The following PALS1 variants were observed in gnomAD, a reference collection of about 807,000 sequenced individuals.
PALS1 encodes the protein protein associated with LIN7 1, MAGUK p55 family member.
In PALS1, 31 loss-of-function variants were observed where a neutral mutation model predicts 78.9. The ratio of observed to expected loss-of-function variants is 0.39; its 90% CI spans 0.30 to 0.53. PALS1 has a LOEUF of 0.53. PALS1 is among the 20% of genes least tolerant of loss of function. The pLI is 0.67. For synonymous variants in PALS1, 276 were observed against 270.9 expected (o/e 1.02, Z -0.18); for missense variants, 704 against 826.5 (o/e 0.85, Z 1.82).
chr14:67,330,215 G>A (rs946080572), intron 14 of PALS1, among the ~76,000 whole-genome samples: 7 of 150,334 alleles, frequency 4.7e-5, no homozygotes, highest in African/African-American at 1.5e-4. Flanking sequence ...ATAAGTTGGA[G>A]GGCATTTGTC....
chr14:67,277,853 CAA>C lies in PALS1; in HGVS notation c.-153-1163_-153-1162del, dbSNP rs533947085. Reference sequence around the variant, plus strand: ...AAAGCTTCCAAGTGAATCTGAGGGTCAAAGAGAGAAAATGACTGGTCTTAAGT... The same window carrying C: ...AAAGCTTCCAAGTGAATCTGAGGGTCAGAGAGAAAATGACTGGTCTTAAGT... On this transcript the variant is annotated intron_variant, in intron 2 of 14. Transcript: ENST00000261681. 4.1e-3 allele frequency among the ~76,000 whole-genome samples: 625 copies of C among 152,100 alleles called. 5 individuals carry two copies. The highest frequency in any genetic ancestry group is 7.4e-3 in the Non-Finnish European group (503 of 67,996).
chr14:67,304,141 G>C (rs934501420), intron 8 of PALS1: 2 of 153,320 alleles, frequency 1.3e-5, no homozygotes, highest in African/African-American at 2.4e-5. Flanking sequence ...TTATAGGTGG[G>C]TTTACTTAAC....
chr14:67,284,426 T>A (rs2084645658), intron 3 of PALS1, among the ~76,000 whole-genome samples: 1 of 83,400 alleles, frequency 1.2e-5, no homozygotes, highest in East Asian at 7.3e-4. Flanking sequence ...AGACCCTATC[T>A]CTTAAAAAAA....
At chr14:67,332,473 G>C (rs777782437) in intron 14 of PALS1, among the ~76,000 whole-genome samples, 1 of 152,204 alleles carries the variant, frequency 6.6e-6, no homozygotes, top group Non-Finnish European at 1.5e-5. Context: ...AATGTTTGTA[G>C]GGAAACAGTG....
intron 3 of PALS1, among the ~76,000 whole-genome samples, chr14:67,281,082 A>G (rs2084603469): frequency 6.6e-6 from 1 of 151,764 alleles, no homozygotes; most frequent in Non-Finnish European, 1.5e-5. Flanking sequence ...TATTTTTAGT[A>G]GAGACCGGGT....
intron 1 of PALS1, among the ~76,000 whole-genome samples, chr14:67,253,963 G>T (rs28638206): frequency 0.15 from 19,889 of 136,314 alleles, 2,739 homozygotes; most frequent in East Asian, 0.41. Flanking sequence ...ATTTTGTTTT[G>T]TTTTTTTTTT....
intron 2 of PALS1, among the ~76,000 whole-genome samples, chr14:67,277,040 C>T (rs149349491): frequency 6.6e-6 from 1 of 152,100 alleles, no homozygotes; most frequent in Non-Finnish European, 1.5e-5. Context: ...TAAATCCACT[C>T]CTGGATTTTT....
intron 14 of PALS1, among the ~76,000 whole-genome samples, chr14:67,328,754 T>G (rs2085398438): frequency 6.6e-6 from 1 of 152,248 alleles, no homozygotes; most frequent in African/African-American, 2.4e-5. Context: ...CCATTTCTTC[T>G]TTTTGTCAGG....
intron 11 of PALS1, 134 bp downstream of exon 11, chr14:67,317,613 GAGTA>G (rs948652864): frequency 9.2e-6 from 5 of 542,798 alleles, no homozygotes; most frequent in Admixed American, 7.5e-5. Context: ...GGAATCCTGT[GAGTA>G]AGGCAGTGTT....
At chr14:67,301,897 G>T in intron 5 of PALS1, 75 bp from the exon 6 acceptor site, 1 of 1,455,612 alleles carries the variant, frequency 6.9e-7, no homozygotes, top group Non-Finnish European at 9.2e-7. Context: ...AGAATACTAT[G>T]TACATAGGTT....
chr14:67,289,464 A>G (rs1443038229), intron 3 of PALS1, among the ~76,000 whole-genome samples: 1 of 152,110 alleles, frequency 6.6e-6, no homozygotes, highest in Admixed American at 6.6e-5. Context: ...GAGCATCTGC[A>G]AATTTTTCTG....
intron 1 of PALS1, chr14:67,241,883 G>A (rs1423521166): frequency 6.6e-6 from 1 of 152,022 alleles, no homozygotes; most frequent in Non-Finnish European, 1.5e-5. Flanking sequence ...CCGAGGTCGC[G>A]ACGCGCGGGA....
intron 4 of PALS1, among the ~76,000 whole-genome samples, chr14:67,301,092 T>C (rs1295232007): frequency 1.3e-5 from 2 of 152,158 alleles, no homozygotes; most frequent in African/African-American, 4.8e-5. Context: ...AGTTTTTCTT[T>C]TCTTATGTAA....
At chr14:67,258,392 C>T (rs1024209099) in intron 1 of PALS1, among the ~76,000 whole-genome samples, 2 of 152,068 alleles carry the variant, frequency 1.3e-5, no homozygotes, top group Non-Finnish European at 2.9e-5. Context: ...AAAACTTAGC[C>T]GGCTGTAGTG....
Position 67,335,768 on chromosome 14 carries a change from C to T in PALS1, c.*2812C>T, listed in dbSNP as rs182756136. ...TGTTATTTTGAGATGTCATACTGTA[C>T]ACTGTATTGTAAAAATAAAAAGTAA... is the stretch of plus-strand genomic sequence containing the variant. On this transcript the variant is annotated 3_prime_UTR_variant, in exon 15 of 15. Transcript: ENST00000261681. 3.1e-4 allele frequency: 47 copies of T among 152,738 alleles called. No homozygotes were observed. The highest frequency in any genetic ancestry group is 1.1e-3 in the African/African-American group (44 of 41,556). 9.5% of individuals were successfully genotyped at this position (152,738 alleles called of 1,614,324 possible). A position where few individuals can be genotyped will look rare whatever the true frequency, so the allele number is the denominator to read the frequency against.
chr14:67,243,216 T>C (rs1486732629), intron 1 of PALS1, among the ~76,000 whole-genome samples: 1 of 152,016 alleles, frequency 6.6e-6, no homozygotes, highest in African/African-American at 2.4e-5. Context: ...TGAGACATAG[T>C]CTCGCTCTTG....
chr14:67,312,005 G>A (rs535001368), intron 8 of PALS1: 7 of 152,750 alleles, frequency 4.6e-5, no homozygotes, highest in Non-Finnish European at 8.8e-5. Context: ...ATGAAGAGAT[G>A]TGGTAAGGTA....
intron 2 of PALS1, chr14:67,270,011 G>C (rs761199124): frequency 6.6e-6 from 1 of 152,094 alleles, no homozygotes; most frequent in Admixed American, 6.5e-5. Flanking sequence ...ATGTTTATGC[G>C]TATGAAGTAT....
chr14:67,310,899 G>A (rs888232878), intron 8 of PALS1, among the ~76,000 whole-genome samples: 5 of 151,744 alleles, frequency 3.3e-5, no homozygotes, highest in East Asian at 1.9e-4. Flanking sequence ...GTCTGTCATC[G>A]ACAGTACTCA....
Sources: allele counts gnomAD v4.1 joint callset (sites outside exome capture counted in the v4.1 genomes callset), GRCh38; gene constraint gnomAD v4.1.1; transcripts MANE v1.5; gene names NCBI Gene and HGNC (gene_info 2026-07-23, HGNC 2026-07-21).